CADM2: variants seen among roughly 807,000 people sequenced by gnomAD.
The protein encoded by CADM2 is cell adhesion molecule 2, also known as immunoglobulin superfamily member 4D.
CADM2 carries 12 observed loss-of-function variants against 49.8 expected under a neutral mutation model. The ratio of observed to expected loss-of-function variants is 0.24; its 90% confidence interval spans 0.15 to 0.39. The LOEUF is 0.39. CADM2 is among the 10% of genes least tolerant of loss of function. CADM2 has a pLI of 1.00. For missense variants in CADM2, 378 were observed against 492.3 expected (o/e 0.77, Z 2.20); for synonymous variants, 214 against 175.4 (o/e 1.22, Z -1.74).
At chr3:85,085,343 G>A (rs2037326541) in intron 1 of CADM2, among the ~76,000 whole-genome samples, 1 of 152,022 alleles carries the variant, frequency 6.6e-6, no homozygotes, top group South Asian at 2.1e-4. Context: ...GTTTCACTTA[G>A]CATAACATCC....
intron 1 of CADM2, among the ~76,000 whole-genome samples, chr3:85,254,351 G>A (rs1318193353): frequency 4.6e-5 from 7 of 151,870 alleles, no homozygotes; most frequent in Non-Finnish European, 4.4e-5. Flanking sequence ...GTCATTTTGG[G>A]GTTTTATGAG....
intron 1 of CADM2, among the ~76,000 whole-genome samples, chr3:85,568,479 CTT>C (rs1264715355): frequency 2.0e-5 from 1 of 50,188 alleles, no homozygotes; most frequent in African/African-American, 4.6e-5. Context: ...CTCTCTCTTT[CTT>C]TCTTTCTTTC....
At chr3:85,131,236 T>C (rs554355440) in intron 1 of CADM2, among the ~76,000 whole-genome samples, 2 of 152,224 alleles carry the variant, frequency 1.3e-5, no homozygotes, top group East Asian at 3.9e-4. Flanking sequence ...CATAATATCA[T>C]GAAGATTTTA....
intron 3 of CADM2, among the ~76,000 whole-genome samples, chr3:85,825,131 A>T (rs2073831967): frequency 6.6e-6 from 1 of 152,122 alleles, no homozygotes; most frequent in Non-Finnish European, 1.5e-5. Flanking sequence ...ATTGAGGTAC[A>T]GTTGATCTAA....
chr3:85,647,024 G>A (rs571097255), intron 1 of CADM2, among the ~76,000 whole-genome samples: 3 of 151,692 alleles, frequency 2.0e-5, no homozygotes, highest in African/African-American at 2.4e-5. Context: ...TTTTTTGAAC[G>A]TAACTTGGAT....
At chr3:85,284,576 A>G (rs2043582021) in intron 1 of CADM2, among the ~76,000 whole-genome samples, 1 of 152,132 alleles carries the variant, frequency 6.6e-6, no homozygotes, top group South Asian at 2.1e-4. Flanking sequence ...TAATGAAATA[A>G]GTTACATAGA....
chr3:85,549,770 T>C lies in CADM2; in HGVS notation c.62-176752T>C, dbSNP rs143316076. On this transcript the variant is annotated intron_variant, in intron 1 of 9. Coordinates refer to ENST00000383699, the MANE Select transcript of CADM2 (RefSeq NM_001167675.2). ...TCCCAAGTAGCTGGGATTACAGGCA[T>C]GTGCCACCATGCTGGGCTATTTTTT... Among the ~76,000 whole-genome samples, 1,218 of 149,372 alleles carry C rather than the reference T, an allele frequency of 8.2e-3. 12 individuals are homozygous for C. The highest frequency in any genetic ancestry group is 0.027 in the African/African-American group (1,119 of 40,924).
chr3:85,794,556 T>A (rs2071513927), intron 2 of CADM2, among the ~76,000 whole-genome samples: 1 of 152,150 alleles, frequency 6.6e-6, no homozygotes, highest in Admixed American at 6.6e-5. Flanking sequence ...CTTGGAAAAG[T>A]AGCCAGCTTC....
At chr3:85,694,735 G>T (rs2066498496) in intron 1 of CADM2, among the ~76,000 whole-genome samples, 1 of 152,066 alleles carries the variant, frequency 6.6e-6, no homozygotes, top group Non-Finnish European at 1.5e-5. Context: ...TAGGGGCGTG[G>T]ATTGTGTCTT....
intron 3 of CADM2, among the ~76,000 whole-genome samples, chr3:85,880,688 A>C (rs1240653377): frequency 6.6e-6 from 1 of 152,196 alleles, no homozygotes; most frequent in African/African-American, 2.4e-5. Context: ...TACAGGTAAT[A>C]AGCTATTCTC....
intron 1 of CADM2, among the ~76,000 whole-genome samples, chr3:85,226,611 G>A (rs950412820): frequency 1.3e-5 from 2 of 149,450 alleles, no homozygotes; most frequent in Non-Finnish European, 3.0e-5. Flanking sequence ...TTTTTTTTGT[G>A]TGTGTGTCTA....
intron 1 of CADM2, among the ~76,000 whole-genome samples, chr3:85,688,919 C>T (rs1391155774): frequency 6.6e-6 from 1 of 152,136 alleles, no homozygotes; most frequent in Non-Finnish European, 1.5e-5. Context: ...ATGATCCAAG[C>T]TTTTCATTCC....
intron 1 of CADM2, among the ~76,000 whole-genome samples, chr3:85,286,553 A>T (rs745492824): frequency 6.6e-6 from 1 of 152,160 alleles, no homozygotes; most frequent in Non-Finnish European, 1.5e-5. Flanking sequence ...CTGCACATTC[A>T]AAGTCACCTA....
rs1273778578 is a variant in CADM2 at position 86,073,412 on chromosome 3, C to T, written c.*6629C>T. 1.3e-5 allele frequency: 2 copies of T among 152,042 alleles called. No individual in the cohort carries two copies. The highest frequency in any genetic ancestry group is 2.4e-5 in the African/African-American group (1 of 41,450). The allele number at this position is 152,042 out of a possible 1,614,324, so 9.4% of individuals were successfully genotyped here. On this transcript the variant is annotated 3_prime_UTR_variant, in exon 10 of 10. Coordinates refer to ENST00000383699, the MANE Select transcript of CADM2 (RefSeq NM_001167675.2). ...TTATTGAATCTACTCTTGTCATTAACATTTTCAAAAAACAAAATGCATATT... is the reference window on the plus strand; with the variant it reads ...TTATTGAATCTACTCTTGTCATTAATATTTTCAAAAAACAAAATGCATATT...
intron 1 of CADM2, among the ~76,000 whole-genome samples, chr3:85,585,986 T>G (rs1199082247): frequency 6.6e-6 from 1 of 152,050 alleles, no homozygotes; most frequent in Non-Finnish European, 1.5e-5. Context: ...GCTTAGTGAC[T>G]CCTATCTAAA....
At chr3:86,043,147 G>A (rs918817118) in intron 8 of CADM2, among the ~76,000 whole-genome samples, 2 of 152,110 alleles carry the variant, frequency 1.3e-5, no homozygotes, top group Admixed American at 1.3e-4. Context: ...AAAACTGGAA[G>A]CATTCGCTTT....
rs1310030589 is a variant in CADM2, at chr3:85,568,473, C to CTCTCTCTTTCTTTCTT, written c.62-158046_62-158045insCTCTTTCTTTCTTTCT. On this transcript the variant is annotated intron_variant, in intron 1 of 9. Coordinates refer to ENST00000383699, the MANE Select transcript of CADM2 (RefSeq NM_001167675.2). ...TTTCTTTCTTTCTTTCTCTTTCTCT[C>CTCTCTCTTTCTTTCTT]TCTTTCTTTCTTTCTTTCTTTCTTT... 1.2e-3 allele frequency among the ~76,000 whole-genome samples: 34 copies of CTCTCTCTTTCTTTCTT among 27,616 alleles called. 5 individuals carry two copies. The highest frequency in any genetic ancestry group is 2.3e-3 in the African/African-American group (30 of 12,948). 18.1% of individuals were successfully genotyped at this position (27,616 alleles called of 152,430 possible). A position where few individuals can be genotyped will look rare whatever the true frequency, so the allele number is the denominator to read the frequency against.
chr3:85,203,888 T>G (rs1388912773), intron 1 of CADM2, among the ~76,000 whole-genome samples: 5 of 152,216 alleles, frequency 3.3e-5, no homozygotes, highest in African/African-American at 1.2e-4. Context: ...TATTGCCCAT[T>G]TAAAACATAT....
At chr3:85,611,051 G>C (rs557658981) in intron 1 of CADM2, among the ~76,000 whole-genome samples, 1 of 151,916 alleles carries the variant, frequency 6.6e-6, no homozygotes, top group South Asian at 2.1e-4. Flanking sequence ...AAATTCATTT[G>C]TTGCCATATG....
Sources: allele counts gnomAD v4.1 joint callset (sites outside exome capture counted in the v4.1 genomes callset), GRCh38; gene constraint gnomAD v4.1.1; transcripts MANE v1.5; gene names NCBI Gene and HGNC (gene_info 2026-07-23, HGNC 2026-07-21).